Variants in PDE10A observed in about 807,000 individuals in gnomAD.
The protein encoded by PDE10A is cAMP and cAMP-inhibited cGMP 3',5'-cyclic phosphodiesterase 10A.
In PDE10A, 39 loss-of-function variants were observed where a neutral mutation model predicts 97.7. The ratio of observed to expected loss-of-function variants is 0.40; its 90% CI spans 0.31 to 0.52. The LOEUF is 0.52. Among genes scored for constraint, PDE10A ranks in the 20% least tolerant of loss-of-function variants. The pLI is 0.56. For missense variants in PDE10A, 731 were observed against 1,047.8 expected (o/e 0.70, Z 4.17); for synonymous variants, 371 against 376.8 (o/e 0.98, Z 0.18).
chr6:165,371,257 C>CA (rs1233741383), intron 18 of PDE10A, among the ~76,000 whole-genome samples: 3 of 151,630 alleles, frequency 2.0e-5, no homozygotes, highest in African/African-American at 4.9e-5. Context: ...AATAGAGACA[C>CA]AAAAAACATT....
chr6:165,950,967 T>A (rs1218866669), intron 1 of PDE10A, among the ~76,000 whole-genome samples: 1 of 152,262 alleles, frequency 6.6e-6, no homozygotes, highest in Non-Finnish European at 1.5e-5. Context: ...CTTTGGACAT[T>A]ATTCTTTCCT....
chr6:165,919,734 T>C (rs370475725), intron 1 of PDE10A, among the ~76,000 whole-genome samples: 5 of 152,244 alleles, frequency 3.3e-5, no homozygotes, highest in African/African-American at 1.2e-4. Context: ...TTCTAACTTA[T>C]CTTTCGCAGT....
chr6:165,862,453 CTG>C (rs921846203), intron 1 of PDE10A, among the ~76,000 whole-genome samples: 4 of 152,176 alleles, frequency 2.6e-5, no homozygotes, highest in African/African-American at 9.7e-5. Context: ...AGTTAAGAGA[CTG>C]TGGATGCCGT....
At chr6:165,433,425 G>C (rs1789745658) in intron 6 of PDE10A, among the ~76,000 whole-genome samples, 1 of 152,138 alleles carries the variant, frequency 6.6e-6, no homozygotes, top group African/African-American at 2.4e-5. Flanking sequence ...CATAAATGCT[G>C]GCACTTATTC....
At chr6:165,969,590 G>A (rs914646553) in intron 1 of PDE10A, among the ~76,000 whole-genome samples, 4 of 151,808 alleles carry the variant, frequency 2.6e-5, no homozygotes, top group Admixed American at 6.6e-5. Context: ...TGCCATTAAT[G>A]ACCAAAACCG....
intron 14 of PDE10A, 25 bp downstream of exon 14, chr6:165,396,292 G>T: frequency 6.2e-7 from 1 of 1,603,216 alleles, no homozygotes; most frequent in Non-Finnish European, 8.5e-7. Flanking sequence ...GGTTCCTGAA[G>T]AAACTGACAG....
chr6:165,834,054 C>T (rs944365124), intron 1 of PDE10A, among the ~76,000 whole-genome samples: 15 of 152,200 alleles, frequency 9.9e-5, no homozygotes, highest in African/African-American at 3.4e-4. Context: ...GGAATAAGTG[C>T]TTTGTCCCAC....
At chr6:165,933,666 G>T (rs1783220132) in intron 1 of PDE10A, among the ~76,000 whole-genome samples, 1 of 152,186 alleles carries the variant, frequency 6.6e-6, no homozygotes, top group Admixed American at 6.5e-5. Flanking sequence ...TCAGCAGAGT[G>T]CTTCTGGGTT....
At chr6:165,439,491 C>T (rs454165) in intron 5 of PDE10A, among the ~76,000 whole-genome samples, 116,006 of 152,096 alleles carry the variant, frequency 0.76, 44,633 homozygotes, top group Middle Eastern at 0.89. Context: ...AGTTCTTTAG[C>T]ACTTGAGAGT....
At chr6:165,368,843 C>T (rs556129479) in intron 18 of PDE10A, among the ~76,000 whole-genome samples, 87 of 152,186 alleles carry the variant, frequency 5.7e-4, no homozygotes, top group African/African-American at 2.0e-3. Context: ...AGGGGCAGAC[C>T]GACACCTCAC....
At chr6:165,467,359 T>C (rs1393160418) in intron 3 of PDE10A, among the ~76,000 whole-genome samples, 2 of 152,220 alleles carry the variant, frequency 1.3e-5, no homozygotes, top group Admixed American at 1.3e-4. Context: ...AGGTGTCATC[T>C]AGGACCCTTA....
At chr6:165,534,686 GAGAC>G (rs766645202) in intron 2 of PDE10A, among the ~76,000 whole-genome samples, 4 of 151,998 alleles carry the variant, frequency 2.6e-5, no homozygotes, top group African/African-American at 4.8e-5. Flanking sequence ...TTAATAGAAT[GAGAC>G]AGAAAGCATA....
chr6:165,687,117 C>T lies in PDE10A; in HGVS notation c.-614-143549G>A, dbSNP rs370673355. On this transcript the variant is annotated intron_variant, in intron 1 of 19. Transcript: ENST00000366882. ...GAGCATGGCTGCTTCCCATCTCCCT[C>T]GCCTTCGTTTCCATCCGCCCACGCG... Among the ~76,000 whole-genome samples the T allele has an allele frequency of 7.9e-5, 12 of 152,358 alleles. No homozygotes were observed. In the East Asian group the frequency reaches 2.1e-3, roughly 27 times the overall value.
intron 1 of PDE10A, among the ~76,000 whole-genome samples, chr6:165,657,405 T>C (rs1790020082): frequency 6.6e-6 from 1 of 152,238 alleles, no homozygotes; most frequent in South Asian, 2.1e-4. Flanking sequence ...AACTAAGAGT[T>C]TTCCTTTTAA....
At position 165,331,658 on chromosome 6, in the gene PDE10A, C is replaced by T. The variant is rs1450614218; in HGVS notation, c.*1367G>A. 6.6e-6 allele frequency: 1 copy of T among 152,202 alleles called. No homozygotes were observed. Among genetic ancestry groups the T allele is most frequent in the Non-Finnish European group, 1.5e-5 (1 of 68,036 alleles). 9.4% of individuals were successfully genotyped at this position (152,202 alleles called of 1,614,324 possible). ...GTTTGGAGGTTACCGTGCCATTGCACTAAAAATCTTTAAATTATTAAAATG... is the reference window on the plus strand; with the variant it reads ...GTTTGGAGGTTACCGTGCCATTGCATTAAAAATCTTTAAATTATTAAAATG... On this transcript the variant is annotated 3_prime_UTR_variant, in exon 22 of 22. Coordinates refer to ENST00000539869, the MANE Select transcript of PDE10A (RefSeq NM_001385079.1).
chr6:165,503,813 T>C (rs570851640), intron 2 of PDE10A, among the ~76,000 whole-genome samples: 2 of 151,704 alleles, frequency 1.3e-5, no homozygotes, highest in East Asian at 3.9e-4. Flanking sequence ...ATGAAATTAA[T>C]GCAAAAAAAA....
chr6:165,383,984 A>G (rs1433957437), intron 17 of PDE10A, among the ~76,000 whole-genome samples: 2 of 152,130 alleles, frequency 1.3e-5, no homozygotes, highest in Non-Finnish European at 2.9e-5. Context: ...GTCTGAAACT[A>G]CAGAAGCAGA....
At chr6:165,525,755 C>T (rs1022721557) in intron 2 of PDE10A, among the ~76,000 whole-genome samples, 4 of 152,128 alleles carry the variant, frequency 2.6e-5, no homozygotes, top group Non-Finnish European at 5.9e-5. Context: ...CGGTCAAAGG[C>T]AAAGTGGGTG....
At chr6:165,931,085 T>C (rs1452380853) in intron 1 of PDE10A, among the ~76,000 whole-genome samples, 1 of 152,242 alleles carries the variant, frequency 6.6e-6, no homozygotes, top group Non-Finnish European at 1.5e-5. Flanking sequence ...GACTTGATTG[T>C]AGAAAATGAT....
Sources: allele counts gnomAD v4.1 joint callset (sites outside exome capture counted in the v4.1 genomes callset), GRCh38; gene constraint gnomAD v4.1.1; transcripts MANE v1.5; gene names NCBI Gene and HGNC (gene_info 2026-07-23, HGNC 2026-07-21).